The following TNFSF4 variants were observed in gnomAD, a reference collection of about 807,000 sequenced individuals.
TNFSF4 encodes the protein tumor necrosis factor ligand superfamily member 4.
TNFSF4 carries 4 observed loss-of-function variants against 7.3 expected under a neutral mutation model. The ratio of observed to expected loss-of-function variants is 0.55; its 90% CI spans 0.27 to 1.25. The LOEUF (loss-of-function observed/expected upper bound fraction) is 1.25. Among genes scored for constraint, TNFSF4 ranks in the 50% most tolerant of loss-of-function variants. The pLI, the probability that TNFSF4 is intolerant of heterozygous loss-of-function variation, is 0.12. For synonymous variants in TNFSF4, 76 were observed against 83.7 expected (o/e 0.91, Z 0.50); for missense variants, 181 against 208.8 (o/e 0.87, Z 0.82).
At chr1:173,277,924 G>C in the TNFSF4 span, among the ~76,000 whole-genome samples, 1 of 152,094 alleles carries the variant, frequency 6.6e-6, no homozygotes, top group African/African-American at 2.4e-5. Context: ...AGCATGACAG[G>C]TATAGGAGGG....
At chr1:173,238,709 G>T in the TNFSF4 span, among the ~76,000 whole-genome samples, 1 of 149,212 alleles carries the variant, frequency 6.7e-6, no homozygotes, top group Non-Finnish European at 1.5e-5. Flanking sequence ...GAGATCCCAT[G>T]TTACACCAGT....
downstream of TNFSF4, among the ~76,000 whole-genome samples, chr1:173,182,971 C>A (rs1649082716): frequency 6.6e-6 from 1 of 152,160 alleles, no homozygotes; most frequent in Admixed American, 6.6e-5. Flanking sequence ...TTGGGCCCAG[C>A]ATCACCAGAT....
chr1:173,383,446 A>T, the TNFSF4 span, among the ~76,000 whole-genome samples: 1 of 152,196 alleles, frequency 6.6e-6, no homozygotes, highest in South Asian at 2.1e-4. Flanking sequence ...AACAAACAAA[A>T]AGGAGAGCAA....
the TNFSF4 span, among the ~76,000 whole-genome samples, chr1:173,341,690 G>C: frequency 2.0e-5 from 3 of 152,184 alleles, no homozygotes; most frequent in Admixed American, 2.0e-4. Flanking sequence ...TATAAGTAAC[G>C]TATGTTAGTG....
chr1:173,231,761 A>C, the TNFSF4 span, among the ~76,000 whole-genome samples: 1 of 152,244 alleles, frequency 6.6e-6, no homozygotes, highest in Non-Finnish European at 1.5e-5. Flanking sequence ...CAAATTCAGC[A>C]AAGTCTCAGG....
intron 1 of TNFSF4, among the ~76,000 whole-genome samples, chr1:173,190,866 A>AGC (rs982342890): frequency 6.6e-6 from 1 of 152,246 alleles, no homozygotes; most frequent in African/African-American, 2.4e-5. Context: ...TGCCAACTTA[A>AGC]GCAAGTTTCA....
chr1:173,362,552 C>T, the TNFSF4 span: 1 of 537,988 alleles, frequency 1.9e-6, no homozygotes, highest in Non-Finnish European at 3.7e-6. Flanking sequence ...CCCACTAATG[C>T]CTCCGATTCT....
chr1:173,426,795 T>G, the TNFSF4 span, among the ~76,000 whole-genome samples: 2 of 152,130 alleles, frequency 1.3e-5, no homozygotes, highest in African/African-American at 4.8e-5. Context: ...GGTCTCGCTA[T>G]GTTGCCAGGG....
downstream of TNFSF4, among the ~76,000 whole-genome samples, chr1:173,181,902 C>T (rs1376960119): frequency 6.6e-6 from 1 of 152,158 alleles, no homozygotes; most frequent in African/African-American, 2.4e-5. Flanking sequence ...CTAAGGAAGG[C>T]TCCAAACCAT....
At chr1:173,271,080 C>T in the TNFSF4 span, among the ~76,000 whole-genome samples, 8 of 152,220 alleles carry the variant, frequency 5.3e-5, no homozygotes, top group Middle Eastern at 3.4e-3. Flanking sequence ...AAATTTTCTA[C>T]CATTCTGTAG....
At chr1:173,310,991 T>C in the TNFSF4 span, among the ~76,000 whole-genome samples, 1 of 151,970 alleles carries the variant, frequency 6.6e-6, no homozygotes, top group Non-Finnish European at 1.5e-5. Flanking sequence ...TTTCACAGCC[T>C]CACTTTTTAT....
chr1:173,395,377 A>AATATATATATATATATATATAT, the TNFSF4 span, among the ~76,000 whole-genome samples: 3 of 63,240 alleles, frequency 4.7e-5, no homozygotes, highest in Non-Finnish European at 8.8e-5. Flanking sequence ...CTGTGTATAT[A>AATATATATATATATATATATAT]ATATATATAT....
chr1:173,287,746 A>C, the TNFSF4 span, among the ~76,000 whole-genome samples: 3 of 152,220 alleles, frequency 2.0e-5, no homozygotes, highest in Admixed American at 2.0e-4. Flanking sequence ...AACTCTACTG[A>C]TACAGAAAAC....
At chr1:173,398,283 T>C in the TNFSF4 span, among the ~76,000 whole-genome samples, 16 of 152,286 alleles carry the variant, frequency 1.1e-4, no homozygotes, top group East Asian at 9.6e-4. Flanking sequence ...ATCCATTACA[T>C]TGAGGACCTA....
the TNFSF4 span, among the ~76,000 whole-genome samples, chr1:173,267,895 G>A: frequency 2.2e-5 from 3 of 137,310 alleles, no homozygotes; most frequent in African/African-American, 7.9e-5. Flanking sequence ...GGAGAGCAGA[G>A]GAGAGGAGAG....
intron 1 of TNFSF4, among the ~76,000 whole-genome samples, chr1:173,201,207 C>T (rs759808693): frequency 6.6e-6 from 1 of 152,142 alleles, no homozygotes; most frequent in Non-Finnish European, 1.5e-5. Flanking sequence ...AGACACTGAA[C>T]CTAATCACAC....
chr1:173,416,638 T>TATTTATTTATTTATTTATTGAGA, the TNFSF4 span, among the ~76,000 whole-genome samples: 12 of 110,084 alleles, frequency 1.1e-4, no homozygotes, highest in Admixed American at 2.8e-4. Context: ...ATTTATTTTT[T>TATTTATTTATTTATTTATTGAGA]GAGAGAGAGA....
At chr1:173,261,645 A>T in the TNFSF4 span, among the ~76,000 whole-genome samples, 1 of 152,174 alleles carries the variant, frequency 6.6e-6, no homozygotes, top group Non-Finnish European at 1.5e-5. Context: ...GATAAAGAGG[A>T]TATCACCACT....
At chr1:173,281,232 A>T in the TNFSF4 span, among the ~76,000 whole-genome samples, 1 of 152,162 alleles carries the variant, frequency 6.6e-6, no homozygotes, top group African/African-American at 2.4e-5. Flanking sequence ...AAGAAAAAAA[A>T]AGGAATATTT....
Sources: gnomAD v4.1 joint callset for allele counts (sites outside exome capture counted in the v4.1 genomes callset) on GRCh38, gnomAD v4.1.1 for gene constraint, MANE v1.5 for transcripts, NCBI Gene and HGNC (gene_info 2026-07-23, HGNC 2026-07-21) for gene names.